SEC13: variants seen among roughly 807,000 people sequenced by gnomAD.
SEC13 encodes SEC13 homolog, nuclear pore and COPII component.
SEC13 carries 25 observed loss-of-function variants against 49.2 expected under a neutral mutation model. That is an observed-to-expected ratio of 0.51 (90% CI 0.37 to 0.71). The LOEUF is 0.71. Among genes scored for constraint, SEC13 ranks in the 30% least tolerant of loss-of-function variants. The pLI, the probability that SEC13 is intolerant of heterozygous loss-of-function variation, is 0.00. For missense variants in SEC13, 383 were observed against 417.6 expected (o/e 0.92, Z 0.72); for synonymous variants, 148 against 163.9 (o/e 0.90, Z 0.74).
At position 10,301,116 on chromosome 3, in the gene SEC13, T is replaced by A; in HGVS notation, c.*145A>T. ...GCATCTCCGATCACGTTAAGGCAGATGATCAATCTGTGGCTGCATCTGTAA... is the reference window on the plus strand; with the variant it reads ...GCATCTCCGATCACGTTAAGGCAGAAGATCAATCTGTGGCTGCATCTGTAA... On this transcript the variant is annotated 3_prime_UTR_variant, in exon 9 of 9. Transcript: ENST00000350697. 2 of 1,613,698 alleles carry A rather than the reference T, an allele frequency of 1.2e-6. No individual in the cohort carries two copies.
At chr3:10,315,891 G>C (rs991118202) in intron 2 of SEC13, among the ~76,000 whole-genome samples, 2 of 152,210 alleles carry the variant, frequency 1.3e-5, no homozygotes, top group East Asian at 3.9e-4. Flanking sequence ...CTGACTGCCT[G>C]GAGTCCCCAG....
At chr3:10,314,100 T>G (rs548100635) in intron 3 of SEC13, 1 of 151,704 alleles carries the variant, frequency 6.6e-6, no homozygotes, top group East Asian at 2.0e-4. Flanking sequence ...GAAAATTCAA[T>G]TATAAATTAT....
Position 10,321,010 on chromosome 3 carries a change from G to T in SEC13, c.3+40C>A. On this transcript the variant is annotated intron_variant, in intron 1 of 8. Transcript: ENST00000350697. This position sits in a 1 kb window ranked among gnomAD's most constrained non-coding sequence, Gnocchi z 4.1. ...AGGAACCCGTGAAGGCCGCGACCGT[G>T]GCCTTCACCCTGCTAGGCCTCCTCA... 6.2e-7 allele frequency: 1 copy of T among 1,609,498 alleles called. No homozygotes were observed. Among genetic ancestry groups the T allele is most frequent in the East Asian group, 2.3e-5 (1 of 44,394 alleles).
At chr3:10,317,001 C>CAAAAA (rs35597823) in intron 2 of SEC13, among the ~76,000 whole-genome samples, 102 of 74,486 alleles carry the variant, frequency 1.4e-3, no homozygotes, top group East Asian at 3.1e-3. Context: ...AACTCCATCT[C>CAAAAA]AAAAAAAAAA....
chr3:10,306,023 G>A (rs154235), intron 5 of SEC13: 133,356 of 184,634 alleles, frequency 0.72, 49,756 homozygotes, highest in East Asian at 0.99. Context: ...CAAGAAACAA[G>A]AATTCTGCCA....
In SEC13 at chr3:10,301,262, C is replaced by A; in HGVS notation, c.968G>T (p.Ter323LeuextTer59). The A allele has an allele frequency of 6.2e-7, 1 of 1,614,184 alleles. No homozygotes were observed. The highest frequency in any genetic ancestry group is 8.5e-7 in the Non-Finnish European group (1 of 1,180,034). ...GGGAGCCAGGCCCCACCTGTCTTGT[C>A]ACTGCTCGTTCTGCTGGCCCTCTGT... ...SVTEGQQNEQ* is the reference protein window; with the variant it reads ...SVTEGQQNEQL The change falls in exon 9 of 9, where the codon TGA becomes TTA. Residue 323 changes from the stop codon to leucine (L), a stop_lost. Coordinates refer to ENST00000350697, the MANE Select transcript of SEC13 (RefSeq NM_183352.3).
intron 7 of SEC13, 42 bp downstream of exon 7, chr3:10,304,991 T>G: frequency 6.2e-7 from 1 of 1,613,118 alleles, no homozygotes; most frequent in Non-Finnish European, 8.5e-7. Flanking sequence ...TGGGCCTGAC[T>G]CGAGACTAAA....
intron 7 of SEC13, 59 bp downstream of exon 7, chr3:10,304,974 G>C (rs1055869493): frequency 1.7e-5 from 27 of 1,611,630 alleles, no homozygotes; most frequent in East Asian, 1.1e-4. Context: ...AGGAGACTAA[G>C]AGCTGATGGG....
chr3:10,318,284 T>C (rs1701730176), intron 1 of SEC13, among the ~76,000 whole-genome samples, 190 bp from the exon 2 acceptor site: 1 of 152,016 alleles, frequency 6.6e-6, no homozygotes, highest in East Asian at 1.9e-4. Context: ...AAGAGGAACT[T>C]TTTGCCCTTG....
At chr3:10,320,868 C>T in intron 1 of SEC13, 182 bp downstream of exon 1, 1 of 1,350,748 alleles carries the variant, frequency 7.4e-7, no homozygotes. Flanking sequence ...TCCTCGGCCT[C>T]ACCTCTGGAC....
At chr3:10,320,963 G>A (rs762936239) in intron 1 of SEC13, 87 bp downstream of exon 1, 47 of 1,588,368 alleles carry the variant, frequency 3.0e-5, no homozygotes, top group Non-Finnish European at 3.9e-5. Flanking sequence ...TCCAGCTTGG[G>A]ATTTGGGACT....
intron 5 of SEC13, chr3:10,311,565 G>C (rs1303636632): frequency 1.1e-6 from 1 of 878,066 alleles, no homozygotes; most frequent in East Asian, 1.1e-4. Flanking sequence ...GTTGGGTAAA[G>C]AATGACCTTG....
rs139101707 is a variant in SEC13 at position 10,301,080 on chromosome 3, T to C, written c.*181A>G. On this transcript the variant is annotated 3_prime_UTR_variant, in exon 9 of 9. Transcript: ENST00000350697. ...AACATGAGTGCTTTCAGCTGGACAG[T>C]AGATTACAAAGCATCTCCGATCACG... 1.7e-4 allele frequency: 266 copies of C among 1,611,760 alleles called. 1 individual carries two copies. In the African/African-American group the frequency reaches 3.0e-3, roughly 18 times the overall value.
Position 10,300,994 on chromosome 3 carries a change from C to T in SEC13, c.*267G>A, listed in dbSNP as rs1017135849. The T allele has an allele frequency of 1.8e-5, 23 of 1,301,318 alleles. No individual in the cohort carries two copies. The African/African-American group carries it at 1.9e-4, about 11-fold the overall frequency. 80.6% of individuals were successfully genotyped at this position (1,301,318 alleles called of 1,614,324 possible). A position where few individuals can be genotyped will look rare whatever the true frequency, so the allele number is the denominator to read the frequency against. On this transcript the variant is annotated 3_prime_UTR_variant, in exon 9 of 9. Transcript: ENST00000350697. ...AAAACCCCCCAAATAATGCCTGAAC[C>T]CAAAGGTACATAAAAATGACCCAAA... is the stretch of plus-strand genomic sequence containing the variant.
rs780941390 is a variant in SEC13, at chr3:10,312,643, A to G, written c.252T>C (p.Ile84=). Reference sequence around the variant, plus strand: ...AGGTGCCGTTTTCCTCTCTCCAGATAATGACTTTCCGGTCATAGGAGCACG... The same window carrying G: ...AGGTGCCGTTTTCCTCTCTCCAGATGATGACTTTCCGGTCATAGGAGCACG... The part of the protein sequence containing the change: ...LASCSYDRKV[I]IWREENGTWE... The change falls in exon 4 of 9, where the codon ATT becomes ATC. Residue 84 remains isoleucine, a synonymous_variant. Coordinates refer to ENST00000350697, the MANE Select transcript of SEC13 (RefSeq NM_183352.3). The G allele has an allele frequency of 3.1e-6, 5 of 1,614,092 alleles. No individual in the cohort carries two copies. The highest frequency in any genetic ancestry group is 4.2e-6 in the Non-Finnish European group (5 of 1,180,014).
intron 7 of SEC13, among the ~76,000 whole-genome samples, chr3:10,304,727 A>T (rs111242935): frequency 6.6e-6 from 1 of 152,114 alleles, no homozygotes. Flanking sequence ...GCTTGGGAAC[A>T]CTTGGAACTG....
rs1574900543 is a variant in SEC13 at position 10,321,106 on chromosome 3, T to G, written c.-54A>C. 7 of 1,610,876 alleles carry G rather than the reference T, an allele frequency of 4.3e-6. No individual in the cohort carries two copies. Among genetic ancestry groups the G allele is most frequent in the Admixed American group, 3.3e-5 (2 of 59,710 alleles). ...GGACGTGGCAGCTCCCGGCGGCGCC[T>G]CGGAACAGCTCACTTCCGGCGCCGG... On this transcript the variant is annotated 5_prime_UTR_variant, in exon 1 of 9. Coordinates refer to ENST00000350697, the MANE Select transcript of SEC13 (RefSeq NM_183352.3). This position sits in a 1 kb window ranked among gnomAD's most constrained non-coding sequence, Gnocchi z 4.1.
chr3:10,320,894 C>A, intron 1 of SEC13, 156 bp downstream of exon 1: 1 of 1,442,712 alleles, frequency 6.9e-7, no homozygotes, highest in South Asian at 1.5e-5. Flanking sequence ...TCGGAATGGT[C>A]CGCAAGGACG....
At chr3:10,316,306 A>G (rs1701600672) in intron 2 of SEC13, among the ~76,000 whole-genome samples, 1 of 152,148 alleles carries the variant, frequency 6.6e-6, no homozygotes, top group Admixed American at 6.5e-5. Flanking sequence ...TTTCAGGACT[A>G]TCAGCTGCAC....
Sources: allele counts gnomAD v4.1 joint callset (sites outside exome capture counted in the v4.1 genomes callset), GRCh38; gene constraint gnomAD v4.1.1; non-coding constraint Gnocchi (gnomAD v3.1); transcripts MANE v1.5; gene names NCBI Gene and HGNC (gene_info 2026-07-23, HGNC 2026-07-21).